CEP128: variants seen among roughly 807,000 people sequenced by gnomAD.
CEP128 encodes the protein centrosomal protein 128kDa.
A neutral mutation model predicts 156.7 loss-of-function variants in CEP128; 132 were observed. The observed-to-expected ratio is 0.84, with a 90% CI of 0.73 to 0.97. The LOEUF (loss-of-function observed/expected upper bound fraction) is 0.97. Ranked by LOEUF, CEP128 falls within the 50% of genes least tolerant of loss-of-function variation. The pLI is 0.00. For synonymous variants in CEP128, 469 were observed against 448.9 expected (o/e 1.04, Z -0.57); for missense variants, 1,252 against 1,281.9 (o/e 0.98, Z 0.36).
intron 20 of CEP128, among the ~76,000 whole-genome samples, chr14:80,578,590 G>A (rs1160471544): frequency 6.6e-6 from 1 of 152,082 alleles, no homozygotes; most frequent in Non-Finnish European, 1.5e-5. Flanking sequence ...AAAGTTAATT[G>A]AGTTATCCAA....
At chr14:80,847,339 C>G (rs1886658537) in intron 9 of CEP128, among the ~76,000 whole-genome samples, 3 of 152,088 alleles carry the variant, frequency 2.0e-5, no homozygotes, top group Non-Finnish European at 4.4e-5. Flanking sequence ...TCTTCACCAT[C>G]CATTTTCTTT....
At chr14:80,656,029 C>T (rs1895118361) in intron 19 of CEP128, among the ~76,000 whole-genome samples, 4 of 151,688 alleles carry the variant, frequency 2.6e-5, no homozygotes, top group Admixed American at 6.6e-5. Context: ...CTTTACTAAA[C>T]ATCCTTCCAT....
chr14:80,647,528 C>T (rs58902662), intron 19 of CEP128, among the ~76,000 whole-genome samples: 23,193 of 151,624 alleles, frequency 0.15, 2,052 homozygotes, highest in East Asian at 0.34. Flanking sequence ...GACTTTTTTT[C>T]CTTCTTTCTT....
intron 19 of CEP128, among the ~76,000 whole-genome samples, chr14:80,649,125 G>A (rs2140839312): frequency 6.6e-6 from 1 of 152,246 alleles, no homozygotes; most frequent in Admixed American, 6.5e-5. Context: ...TGGCAAGCAG[G>A]CAAGATGCTG....
chr14:80,607,477 C>T (rs1892832131), intron 19 of CEP128, among the ~76,000 whole-genome samples: 1 of 152,118 alleles, frequency 6.6e-6, no homozygotes, highest in Non-Finnish European at 1.5e-5. Context: ...TTAAAGTGTT[C>T]ACATGCACAA....
chr14:80,748,530 C>T (rs1223367418), intron 18 of CEP128, among the ~76,000 whole-genome samples: 4 of 152,106 alleles, frequency 2.6e-5, no homozygotes, highest in Admixed American at 2.6e-4. Context: ...TGTTACAGTA[C>T]TCCAAGCAAG....
At chr14:80,496,254 T>G (rs1187283980), downstream of CEP128, among the ~76,000 whole-genome samples, 1 of 152,148 alleles carries the variant, frequency 6.6e-6, no homozygotes, top group African/African-American at 2.4e-5. Flanking sequence ...ATGATAAAAA[T>G]GCATAGCTAT....
chr14:80,659,605 T>C (rs1185540527), intron 19 of CEP128, among the ~76,000 whole-genome samples: 1 of 152,154 alleles, frequency 6.6e-6, no homozygotes, highest in African/African-American at 2.4e-5. Flanking sequence ...TTTGAAGTTA[T>C]TACACCAACT....
intron 21 of CEP128, among the ~76,000 whole-genome samples, chr14:80,534,798 C>G (rs1248865074): frequency 8.1e-6 from 1 of 124,060 alleles, no homozygotes; most frequent in Non-Finnish European, 1.6e-5. Context: ...GCACTCCAGC[C>G]TGGGCGACAG....
intron 19 of CEP128, among the ~76,000 whole-genome samples, chr14:80,730,656 G>A (rs752071758): frequency 3.9e-5 from 6 of 152,178 alleles, no homozygotes; most frequent in Non-Finnish European, 7.4e-5. Flanking sequence ...TAGTTGTTTC[G>A]TGGAATTTAT....
intron 19 of CEP128, among the ~76,000 whole-genome samples, chr14:80,635,830 G>T (rs961043028): frequency 2.6e-5 from 4 of 152,134 alleles, no homozygotes; most frequent in African/African-American, 9.7e-5. Flanking sequence ...TTCCACACCT[G>T]ACTTCGTGAT....
chr14:80,890,021 G>GA (rs1202208395), intron 8 of CEP128, among the ~76,000 whole-genome samples: 4 of 152,106 alleles, frequency 2.6e-5, no homozygotes, highest in Non-Finnish European at 1.5e-5. Context: ...ACAATCATGT[G>GA]AAAAAAAGCT....
At chr14:80,956,712 G>A (rs571161729) in intron 2 of CEP128, among the ~76,000 whole-genome samples, 1 of 152,146 alleles carries the variant, frequency 6.6e-6, no homozygotes, top group African/African-American at 2.4e-5. Flanking sequence ...TAAAGAAAAT[G>A]TTGATAGATG....
downstream of CEP128, among the ~76,000 whole-genome samples, chr14:80,494,511 G>A (rs1208425956): frequency 6.6e-6 from 1 of 152,132 alleles, no homozygotes; most frequent in African/African-American, 2.4e-5. Context: ...CTAAGTAAAT[G>A]TGCCATCTCC....
rs71103882 is a variant in CEP128 at position 80,801,910 on chromosome 14, C to CAAAAAAAAAAAAAAAAAAAAAAAAAAAAA, written c.1210-8801_1210-8800insTTTTTTTTTTTTTTTTTTTTTTTTTTTTT. Among the ~76,000 whole-genome samples, 2 of 43,374 alleles carry CAAAAAAAAAAAAAAAAAAAAAAAAAAAAA rather than the reference C, an allele frequency of 4.6e-5. 1 individual carries two copies. Among genetic ancestry groups the CAAAAAAAAAAAAAAAAAAAAAAAAAAAAA allele is most frequent in the African/African-American group, 2.3e-4 (2 of 8,772 alleles). The allele number at this position is 43,374 out of a possible 152,430, so 28.5% of individuals were successfully genotyped here. A position where few individuals can be genotyped will look rare whatever the true frequency, so the allele number is the denominator to read the frequency against. ...GTGACAGTGTGAGACTCTGTCTCCC[C>CAAAAAAAAAAAAAAAAAAAAAAAAAAAAA]AAAAAAAAAAAAAAAAAAAAAAAAA... On this transcript the variant is annotated intron_variant, in intron 13 of 24. Transcript: ENST00000555265.
At chr14:80,912,215 C>CA (rs77091923) in intron 4 of CEP128, among the ~76,000 whole-genome samples, 7,093 of 124,230 alleles carry the variant, frequency 0.057, 448 homozygotes, top group African/African-American at 0.17. Flanking sequence ...GACTCCACCT[C>CA]AAAAAAAAAA....
chr14:80,719,796 C>T (rs1008973242), intron 19 of CEP128, among the ~76,000 whole-genome samples: 12 of 152,146 alleles, frequency 7.9e-5, no homozygotes, highest in African/African-American at 2.9e-4. Flanking sequence ...AATCCAGGAA[C>T]TAAAAGACAA....
At chr14:80,683,704 C>A (rs1896413337) in intron 19 of CEP128, among the ~76,000 whole-genome samples, 1 of 152,076 alleles carries the variant, frequency 6.6e-6, no homozygotes, top group Non-Finnish European at 1.5e-5. Context: ...CAACACTGAC[C>A]ATAAGCTCAG....
intron 19 of CEP128, among the ~76,000 whole-genome samples, chr14:80,632,922 G>C (rs1330913483): frequency 6.6e-6 from 1 of 152,174 alleles, no homozygotes; most frequent in African/African-American, 2.4e-5. Flanking sequence ...TGCTCACTAC[G>C]TGTGCATTTA....
Sources: gnomAD v4.1 joint callset for allele counts (sites outside exome capture counted in the v4.1 genomes callset) on GRCh38, gnomAD v4.1.1 for gene constraint, MANE v1.5 for transcripts, NCBI Gene and HGNC (gene_info 2026-07-23, HGNC 2026-07-21) for gene names.